PPP1R9A: variants seen among roughly 807,000 people sequenced by gnomAD.
The protein encoded by PPP1R9A is neurabin-1.
PPP1R9A carries 59 observed loss-of-function variants against 141.9 expected under a neutral mutation model. The observed-to-expected ratio is 0.42, with a 90% CI of 0.34 to 0.52. The LOEUF is 0.52. Among genes scored for constraint, PPP1R9A ranks in the 20% least tolerant of loss-of-function variants. The pLI, the probability that PPP1R9A is intolerant of heterozygous loss-of-function variation, is 0.10. For synonymous variants in PPP1R9A, 500 were observed against 569.7 expected (o/e 0.88, Z 1.74); for missense variants, 1,444 against 1,611.9 (o/e 0.90, Z 1.78).
At chr7:94,938,923 G>A (rs755088980) in intron 2 of PPP1R9A, among the ~76,000 whole-genome samples, 8 of 152,218 alleles carry the variant, frequency 5.3e-5, no homozygotes, top group African/African-American at 1.9e-4. Context: ...ATGTGGATAC[G>A]CTATTCCTGT....
At chr7:95,278,026 T>C (rs1252105031) in intron 16 of PPP1R9A, among the ~76,000 whole-genome samples, 3 of 152,086 alleles carry the variant, frequency 2.0e-5, no homozygotes, top group African/African-American at 7.2e-5. Flanking sequence ...GGAAAGGAGA[T>C]GGCAGTCTTC....
Position 95,103,180 on chromosome 7 carries a change from A to G in PPP1R9A, c.1396-8079A>G, listed in dbSNP as rs192134474. The stretch of plus-strand genomic sequence containing the variant: ...TTGCTAGTCCCTACTGTCATATGAG[A>G]CAATTCCTTAAAATCAATTTTAATA... On this transcript the variant is annotated intron_variant, in intron 2 of 19. Transcript: ENST00000433360. Among the ~76,000 whole-genome samples the G allele has an allele frequency of 1.7e-4, 25 of 151,458 alleles. No individual in the cohort carries two copies. In the East Asian group the frequency reaches 4.5e-3, roughly 27 times the overall value.
chr7:95,086,810 G>A (rs1816693139), intron 2 of PPP1R9A, among the ~76,000 whole-genome samples: 1 of 152,038 alleles, frequency 6.6e-6, no homozygotes, highest in South Asian at 2.1e-4. Context: ...AAGGAAGATA[G>A]TGAACATAAC....
chr7:95,085,428 T>A (rs1435717941), intron 2 of PPP1R9A, among the ~76,000 whole-genome samples: 1 of 149,820 alleles, frequency 6.7e-6, no homozygotes, highest in Non-Finnish European at 1.5e-5. Context: ...TTGGTTTTTT[T>A]TTTTTTTTTT....
chr7:95,113,380 G>A (rs1021316237), intron 3 of PPP1R9A, among the ~76,000 whole-genome samples: 1 of 152,106 alleles, frequency 6.6e-6, no homozygotes, highest in Non-Finnish European at 1.5e-5. Context: ...TTAAAAAGAA[G>A]ATCTGAGGCT....
intron 2 of PPP1R9A, among the ~76,000 whole-genome samples, chr7:94,992,030 C>T (rs1054748135): frequency 5.9e-5 from 9 of 152,168 alleles, no homozygotes; most frequent in South Asian, 2.1e-4. Flanking sequence ...ATGTACTGCA[C>T]GTATTTAAAG....
At chr7:95,076,348 A>C (rs568901502) in intron 2 of PPP1R9A, among the ~76,000 whole-genome samples, 28 of 152,316 alleles carry the variant, frequency 1.8e-4, no homozygotes, top group Middle Eastern at 6.8e-3. Context: ...TTATGTGAGG[A>C]TCTAGCTTTA....
intron 5 of PPP1R9A, 66 bp downstream of exon 5, chr7:95,162,037 T>C (rs1275227504): frequency 2.1e-6 from 2 of 974,850 alleles, no homozygotes; most frequent in Non-Finnish European, 3.0e-6. Context: ...TTCTATAGTT[T>C]AACCTGCAAA....
At chr7:95,259,414 A>G (rs1800094596) in intron 12 of PPP1R9A, among the ~76,000 whole-genome samples, 1 of 152,118 alleles carries the variant, frequency 6.6e-6, no homozygotes, top group Admixed American at 6.5e-5. Context: ...TTTTTAAGCT[A>G]AAAAATATAT....
chr7:95,217,873 T>C (rs1793733662), intron 7 of PPP1R9A, among the ~76,000 whole-genome samples: 1 of 152,154 alleles, frequency 6.6e-6, no homozygotes, highest in African/African-American at 2.4e-5. Flanking sequence ...TATTTGTTAT[T>C]AGTCTTGCTA....
chr7:94,971,915 C>A (rs1383377292), intron 2 of PPP1R9A, among the ~76,000 whole-genome samples: 1 of 152,076 alleles, frequency 6.6e-6, no homozygotes, highest in Non-Finnish European at 1.5e-5. Context: ...ATAGTCATTT[C>A]CTTTAAAACC....
At chr7:95,204,284 T>G (rs1191607454) in intron 7 of PPP1R9A, among the ~76,000 whole-genome samples, 1 of 152,190 alleles carries the variant, frequency 6.6e-6, no homozygotes, top group Admixed American at 6.5e-5. Flanking sequence ...TCTCGTTATG[T>G]TTAGTTGCTG....
intron 5 of PPP1R9A, among the ~76,000 whole-genome samples, chr7:95,180,956 A>G (rs1179061601): frequency 6.6e-6 from 1 of 151,930 alleles, no homozygotes; most frequent in Non-Finnish European, 1.5e-5. Context: ...ACTATGGAAA[A>G]CAGTGTGGAG....
At chr7:95,142,762 T>C (rs561144543) in intron 4 of PPP1R9A, among the ~76,000 whole-genome samples, 1 of 152,048 alleles carries the variant, frequency 6.6e-6, no homozygotes, top group Non-Finnish European at 1.5e-5. Flanking sequence ...GATAATGAGA[T>C]GAGTTAGAGG....
chr7:95,257,833 A>G (rs1799825103), intron 12 of PPP1R9A, among the ~76,000 whole-genome samples: 1 of 152,164 alleles, frequency 6.6e-6, no homozygotes, highest in African/African-American at 2.4e-5. Flanking sequence ...ATGTCCCTGC[A>G]AAGGACATGA....
At chr7:95,276,478 G>A (rs10156050) in intron 16 of PPP1R9A, among the ~76,000 whole-genome samples, 17,524 of 152,016 alleles carry the variant, frequency 0.12, 1,347 homozygotes, top group African/African-American at 0.21. Flanking sequence ...TGGCTGCCTC[G>A]CCACCACTGT....
At chr7:95,068,460 ACT>A (rs1166167182) in intron 2 of PPP1R9A, among the ~76,000 whole-genome samples, 1 of 108,634 alleles carries the variant, frequency 9.2e-6, no homozygotes, top group African/African-American at 3.8e-5. Flanking sequence ...ACAGAGCAAG[ACT>A]CTTGTCTCAA....
At chr7:95,031,792 T>C (rs1807724306) in intron 2 of PPP1R9A, among the ~76,000 whole-genome samples, 1 of 151,356 alleles carries the variant, frequency 6.6e-6, no homozygotes, top group Non-Finnish European at 1.5e-5. Context: ...AAAGTCAATA[T>C]AGAACCTTAA....
chr7:95,235,198 G>A lies in PPP1R9A; in HGVS notation c.2112+9082G>A, dbSNP rs142021674. Among the ~76,000 whole-genome samples, 648 of 152,234 alleles carry A rather than the reference G, an allele frequency of 4.3e-3. 4 individuals carry two copies. The highest frequency in any genetic ancestry group is 0.014 in the African/African-American group (584 of 41,548). ...AATTAAACTAAAAAGCTTCTGTTCAGTGAAAGAAACAATCAGCAGAGTAAA... is the reference window on the plus strand; with the variant it reads ...AATTAAACTAAAAAGCTTCTGTTCAATGAAAGAAACAATCAGCAGAGTAAA... On this transcript the variant is annotated intron_variant, in intron 8 of 19. Transcript: ENST00000433360.
Sources: gnomAD v4.1 joint callset for allele counts (sites outside exome capture counted in the v4.1 genomes callset) on GRCh38, gnomAD v4.1.1 for gene constraint, MANE v1.5 for transcripts, NCBI Gene and HGNC (gene_info 2026-07-23, HGNC 2026-07-21) for gene names.